Variants in RAP1GAP2 observed in about 807,000 individuals in gnomAD.
The protein encoded by RAP1GAP2 is RAP1 GTPase activating protein 2, also known as rap1 GTPase-activating protein 2.
In RAP1GAP2, 27 loss-of-function variants were observed where a neutral mutation model predicts 95.0. The observed-to-expected ratio is 0.28, with a 90% CI of 0.21 to 0.39. The LOEUF is 0.39. Among genes scored for constraint, RAP1GAP2 ranks in the 10% least tolerant of loss-of-function variants. RAP1GAP2 has a pLI of 1.00. For synonymous variants in RAP1GAP2, 373 were observed against 380.9 expected (o/e 0.98, Z 0.24); for missense variants, 771 against 970.0 (o/e 0.79, Z 2.72).
At chr17:2,978,494 C>T (rs911168113) in intron 8 of RAP1GAP2, among the ~76,000 whole-genome samples, 1 of 152,144 alleles carries the variant, frequency 6.6e-6, no homozygotes, top group Admixed American at 6.5e-5. Flanking sequence ...TGGAAGATTT[C>T]ATCATGCTAT....
chr17:3,031,034 TC>T, intron 23 of RAP1GAP2, 36 bp downstream of exon 23: 1 of 1,541,926 alleles, frequency 6.5e-7, no homozygotes, highest in Non-Finnish European at 8.8e-7. Flanking sequence ...CACTCCACTT[TC>T]TGCAGAGGCC....
intron 1 of RAP1GAP2, among the ~76,000 whole-genome samples, chr17:2,777,805 C>G (rs1305545099): frequency 6.6e-6 from 1 of 152,158 alleles, no homozygotes; most frequent in Non-Finnish European, 1.5e-5. Context: ...GAGCCAGGTG[C>G]CAGGGCTCTT....
chr17:2,966,417 C>T (rs986588030), intron 8 of RAP1GAP2, among the ~76,000 whole-genome samples: 1 of 152,186 alleles, frequency 6.6e-6, no homozygotes, highest in Non-Finnish European at 1.5e-5. Flanking sequence ...TTGGGTGGTG[C>T]TTAGCAGAAT....
At position 2,849,149 on chromosome 17, in the gene RAP1GAP2, G is replaced by A. The variant is rs778218808; in HGVS notation, c.80+48599G>A. Among the ~76,000 whole-genome samples, 16 of 152,336 alleles carry A rather than the reference G, an allele frequency of 1.1e-4. 1 individual carries two copies. The East Asian group carries it at 3.1e-3, about 29-fold the overall frequency. The stretch of plus-strand genomic sequence containing the variant: ...CCAAGGCTCTGTTTATAACCCTTGC[G>A]TTGTCCCAAAGGTTGTGTGGTCCAT... On this transcript the variant is annotated intron_variant, in intron 2 of 24. Coordinates refer to ENST00000254695, the MANE Select transcript of RAP1GAP2 (RefSeq NM_015085.5).
At chr17:2,989,513 A>G (rs763153096) in intron 11 of RAP1GAP2, among the ~76,000 whole-genome samples, 1 of 152,016 alleles carries the variant, frequency 6.6e-6, no homozygotes, top group Non-Finnish European at 1.5e-5. Context: ...TTGCATTTTT[A>G]GTAGAGACTG....
At chr17:2,926,322 A>G (rs576560673) in intron 3 of RAP1GAP2, among the ~76,000 whole-genome samples, 23 of 152,216 alleles carry the variant, frequency 1.5e-4, no homozygotes, top group Admixed American at 3.9e-4. Context: ...CATGATCTCT[A>G]CAACCCATCT....
intron 14 of RAP1GAP2, among the ~76,000 whole-genome samples, chr17:2,998,771 G>A (rs1277885854): frequency 6.6e-6 from 1 of 151,804 alleles, no homozygotes; most frequent in African/African-American, 2.4e-5. Context: ...TTTGCTCGCT[G>A]TGAGTGTAGT....
chr17:2,982,324 A>G (rs1390990728), intron 10 of RAP1GAP2, among the ~76,000 whole-genome samples: 2 of 152,126 alleles, frequency 1.3e-5, no homozygotes, highest in African/African-American at 4.8e-5. Flanking sequence ...TTTTTAGTAG[A>G]GACGGGCGTT....
At chr17:2,845,648 G>T (rs1442095221) in intron 2 of RAP1GAP2, among the ~76,000 whole-genome samples, 1 of 151,568 alleles carries the variant, frequency 6.6e-6, no homozygotes, top group African/African-American at 2.4e-5. Flanking sequence ...GGATCATGAG[G>T]TCAGGAGTTC....
At chr17:2,805,214 T>TC (rs1367191970) in intron 2 of RAP1GAP2, among the ~76,000 whole-genome samples, 1 of 152,134 alleles carries the variant, frequency 6.6e-6, no homozygotes, top group African/African-American at 2.4e-5. Flanking sequence ...CGTGTGGGGA[T>TC]CCCTCTTCTC....
At chr17:2,805,764 G>GTC (rs1478395449) in intron 2 of RAP1GAP2, among the ~76,000 whole-genome samples, 8 of 151,644 alleles carry the variant, frequency 5.3e-5, no homozygotes, top group Admixed American at 4.6e-4. Context: ...ATGTGTGTGT[G>GTC]TGTGTGTCTG....
chr17:2,763,502 G>C (rs111526550), intron 1 of RAP1GAP2, among the ~76,000 whole-genome samples: 3,425 of 152,072 alleles, frequency 0.023, 103 homozygotes, highest in African/African-American at 0.079. Context: ...TCAAGACCAG[G>C]CTGGCAATCA....
chr17:2,966,761 T>C (rs1057408279), intron 8 of RAP1GAP2, among the ~76,000 whole-genome samples: 5 of 152,202 alleles, frequency 3.3e-5, no homozygotes, highest in African/African-American at 1.2e-4. Flanking sequence ...TACCTGGATC[T>C]CCATCTCCAA....
chr17:2,829,569 G>A (rs571659453), intron 2 of RAP1GAP2, among the ~76,000 whole-genome samples: 9 of 152,280 alleles, frequency 5.9e-5, no homozygotes, highest in Admixed American at 3.9e-4. Flanking sequence ...CAAAGCAGAT[G>A]GCACAGAACA....
At chr17:2,844,487 G>A (rs556018147) in intron 2 of RAP1GAP2, among the ~76,000 whole-genome samples, 1 of 152,202 alleles carries the variant, frequency 6.6e-6, no homozygotes, top group Non-Finnish European at 1.5e-5. Flanking sequence ...ATGGAAAGGG[G>A]GTGGAAAAGC....
chr17:2,800,302 A>G, intron 1 of RAP1GAP2: 1 of 881,490 alleles, frequency 1.1e-6, no homozygotes, highest in Non-Finnish European at 1.4e-6. Flanking sequence ...GAGAATAATA[A>G]TACGCATGTT....
At chr17:2,891,401 A>G (rs780573975) in intron 2 of RAP1GAP2, among the ~76,000 whole-genome samples, 31 of 152,104 alleles carry the variant, frequency 2.0e-4, no homozygotes, top group Non-Finnish European at 4.0e-4. Context: ...TTGGCCTCCC[A>G]AAGTACTGTA....
chr17:3,009,930 G>A (rs2046462678), intron 17 of RAP1GAP2, among the ~76,000 whole-genome samples: 1 of 152,044 alleles, frequency 6.6e-6, no homozygotes, highest in Non-Finnish European at 1.5e-5. Context: ...GGCAGGAAGG[G>A]GGGCACCACA....
intron 2 of RAP1GAP2, among the ~76,000 whole-genome samples, chr17:2,897,441 C>T (rs923083600): frequency 1.3e-5 from 2 of 151,868 alleles, no homozygotes; most frequent in Non-Finnish European, 2.9e-5. Context: ...GATGGAATCT[C>T]GCTCTGTTGC....
Sources: gnomAD v4.1 joint callset for allele counts (sites outside exome capture counted in the v4.1 genomes callset) on GRCh38, gnomAD v4.1.1 for gene constraint, MANE v1.5 for transcripts, NCBI Gene and HGNC (gene_info 2026-07-23, HGNC 2026-07-21) for gene names.